KRT33A: variants seen among roughly 807,000 people sequenced by gnomAD.
KRT33A encodes keratin, type I cuticular Ha3-I.
Under a neutral mutation model 41.1 loss-of-function variants are expected in KRT33A, and 44 were observed. That is an observed-to-expected ratio of 1.07 (90% CI 0.84 to 1.38). KRT33A has a LOEUF of 1.38. Ranked by LOEUF, KRT33A falls within the 40% of genes most tolerant of loss-of-function variation. KRT33A has a pLI of 0.00. For missense variants in KRT33A, 536 were observed against 518.5 expected, an observed-to-expected ratio of 1.03 and a Z score of -0.33; for synonymous variants, 229 against 227.8, an observed-to-expected ratio of 1.01 and a Z score of -0.05.
Position 41,348,565 on chromosome 17 carries a change from A to G in KRT33A, c.506T>C (p.Leu169Pro), listed in dbSNP as rs780160734. ...CTCCAGGTCAGACCTGCACAGGGTCAGCTCATCCAGGATCCTGCGCAGGCC... is the reference window on the plus strand; with the variant it reads ...CTCCAGGTCAGACCTGCACAGGGTCGGCTCATCCAGGATCCTGCGCAGGCC... The part of the protein sequence containing the change: ...INGLRRILDE[L>P]TLCRSDLEAQ... Residue 169 changes from leucine to proline, a missense_variant, in exon 3 of 7, where the codon CTG (leucine) becomes CCG (proline). Coordinates refer to ENST00000007735, the MANE Select transcript of KRT33A (RefSeq NM_004138.4). The G allele has an allele frequency of 4.3e-6, 7 of 1,613,928 alleles. No individual in the cohort carries two copies. The South Asian group carries it at 7.7e-5, about 18-fold the overall frequency.
chr17:41,346,400 C>T (rs996944232), intron 6 of KRT33A, 48 bp downstream of exon 6: 2 of 1,609,260 alleles, frequency 1.2e-6, no homozygotes, highest in Admixed American at 1.7e-5. Context: ...TTCATCTCCA[C>T]AGCAACCTAA....
At position 41,348,515 on chromosome 17, in the gene KRT33A, C is replaced by G. The variant is rs1396270344; in HGVS notation, c.556G>C (p.Glu186Gln). 6.2e-7 allele frequency: 1 copy of G among 1,614,068 alleles called. No individual in the cohort carries two copies. Among genetic ancestry groups the G allele is most frequent in the Admixed American group, 1.7e-5 (1 of 60,006 alleles). ...TGGTTCTGCTTGAGGCACAGCAGCT[C>G]CTCCTTCAGGGACTCCACCTGGGCC... Reference protein sequence around the residue: ...LEAQVESLKEELLCLKQNHEQ... With the variant: ...LEAQVESLKEQLLCLKQNHEQ... The change falls in exon 3 of 7, where the codon GAG becomes CAG. Residue 186 changes from glutamate to glutamine, a missense_variant. Coordinates refer to ENST00000007735, the MANE Select transcript of KRT33A (RefSeq NM_004138.4).
rs558825640 is a variant in KRT33A at position 41,346,166 on chromosome 17, A to C, written c.1168T>G (p.Cys390Gly). The C allele has an allele frequency of 4.3e-6, 7 of 1,614,182 alleles. No individual in the cohort carries two copies. In the South Asian group the frequency reaches 6.6e-5, roughly 15 times the overall value. ...GGCCCACACCGAGCACGTAGGCCAC[A>C]GGGATTAGAGATACAGGGCCCAGTG... Reference protein sequence around the residue: ...KSTGPCISNPCGLRARCGPCN... With the variant: ...KSTGPCISNPGGLRARCGPCN... The change falls in exon 7 of 7, where the codon TGT becomes GGT. Residue 390 changes from cysteine (C) to glycine (G), a missense_variant. Coordinates refer to ENST00000007735, the MANE Select transcript of KRT33A (RefSeq NM_004138.4).
At position 41,350,437 on chromosome 17, in the gene KRT33A, C is replaced by A; in HGVS notation, c.331G>T (p.Glu111Ter). The A allele has an allele frequency of 6.2e-7, 1 of 1,614,042 alleles. No individual in the cohort carries two copies. Among genetic ancestry groups the A allele is most frequent in the Non-Finnish European group, 8.5e-7 (1 of 1,179,994 alleles). The part of the protein sequence containing the change: ...ASYQSYFKTI[E>*]ELQQKILCSK... The stretch of plus-strand genomic sequence containing the variant: ...CTCCTCACCTTCTGCTGGAGCTCCT[C>A]AATGGTCTTGAAGTAGGACTGGTAG... The change falls in exon 1 of 7, where the codon GAG becomes TAG. Residue 111 changes from glutamate (E) to a stop codon, truncating the protein, a stop_gained. Coordinates refer to ENST00000007735, the MANE Select transcript of KRT33A (RefSeq NM_004138.4). LOFTEE classifies it high-confidence loss of function.
At chr17:41,346,704 C>T in intron 5 of KRT33A, 36 bp from the exon 6 acceptor site, 1 of 1,613,366 alleles carries the variant, frequency 6.2e-7, no homozygotes. Flanking sequence ...CAGAGAGCTG[C>T]TCCTTATAAG....
At position 41,346,967 on chromosome 17, in the gene KRT33A, G is replaced by A. The variant is rs546547704; in HGVS notation, c.753C>T (p.Thr251=). Residue 251 remains threonine, a splice_region_variant and synonymous_variant, in exon 5 of 7, where the codon ACC becomes ACT. Coordinates refer to ENST00000007735, the MANE Select transcript of KRT33A (RefSeq NM_004138.4). ...ATACCACCTGCTTGTTCAGCTCCTC[G>A]GTCTGAAACACCCAAGGGGAGAAAG... ...REVEQWFATQ[T]EELNKQVVSS... is the part of the protein sequence containing the mutation. 1.2e-5 allele frequency: 20 copies of A among 1,613,740 alleles called. No homozygotes were observed. The highest frequency in any genetic ancestry group is 6.7e-5 in the Admixed American group (4 of 60,018).
At position 41,346,686 on chromosome 17, in the gene KRT33A, G is replaced by GA; in HGVS notation, c.877-19dup. On this transcript the variant is annotated intron_variant, in intron 5 of 6. Transcript: ENST00000007735. ...GAGTCTCGCTGTGGTGGGGAAGATT[G>GA]AGAGTGTCAGAGAGCTGCTCCTTAT... 6.2e-7 allele frequency: 1 copy of GA among 1,613,944 alleles called. No individual in the cohort carries two copies. The highest frequency in any genetic ancestry group is 8.5e-7 in the Non-Finnish European group (1 of 1,179,852).
chr17:41,349,320 C>T, intron 2 of KRT33A, 26 bp downstream of exon 2: 1 of 1,611,128 alleles, frequency 6.2e-7, no homozygotes. Flanking sequence ...GAGAAATAAA[C>T]AGCAACACCC....
At chr17:41,348,826 G>A (rs1448871973) in intron 2 of KRT33A, among the ~76,000 whole-genome samples, 187 bp from the exon 3 acceptor site, 1 of 152,118 alleles carries the variant, frequency 6.6e-6, no homozygotes, top group Non-Finnish European at 1.5e-5. Context: ...AAGATCCAGT[G>A]GATAGACTTC....
Position 41,347,226 on chromosome 17 carries a change from A to G in KRT33A, c.589-4T>C, listed in dbSNP as rs370493829. On this transcript the variant is annotated splice_polypyrimidine_tract_variant and splice_region_variant and intron_variant, in intron 3 of 6. Coordinates refer to ENST00000007735, the MANE Select transcript of KRT33A (RefSeq NM_004138.4). ...GGCAGCGCAGGGTGTTAACCTCCTG[A>G]TGGAGAAAGGGCAAAATTTTAAATT... The G allele has an allele frequency of 6.3e-7, 1 of 1,590,134 alleles. No homozygotes were observed.
chr17:41,349,307 G>A, intron 2 of KRT33A, 39 bp downstream of exon 2: 2 of 1,595,234 alleles, frequency 1.3e-6, no homozygotes, highest in East Asian at 2.2e-5. Context: ...GGCTGCCAGA[G>A]AAGAGAAATA....
chr17:41,347,169 G>C lies in KRT33A; in HGVS notation c.642C>G (p.Asp214Glu). The C allele has an allele frequency of 1.2e-6, 2 of 1,614,162 alleles. No homozygotes were observed. Among genetic ancestry groups the C allele is most frequent in the Non-Finnish European group, 1.7e-6 (2 of 1,180,024 alleles). The change falls in exon 4 of 7, where the codon GAC (aspartate) becomes GAG (glutamate). Residue 214 changes from aspartate (D) to glutamate (E), a missense_variant. Physicochemically the swap from Asp to Glu is conservative, Grantham distance 45. Transcript: ENST00000007735. The part of the protein sequence containing the change: ...QLGDRLNVEV[D>E]AAPTVDLNQV... ...GGTTCAGGTCCACAGTGGGAGCAGC[G>C]TCCACCTCCACGTTGAGGCGGTCTC...
intron 3 of KRT33A, among the ~76,000 whole-genome samples, chr17:41,347,521 C>G (rs939328849): frequency 2.6e-5 from 4 of 152,206 alleles, no homozygotes; most frequent in African/African-American, 9.6e-5. Context: ...AACTCTGGTC[C>G]CCAAATGCCC....
chr17:41,348,493 T>C lies in KRT33A; in HGVS notation c.578A>G (p.Asn193Ser), dbSNP rs1431400044. ...CTTCAGGGAACTCACCTGCTCATGG[T>C]TCTGCTTGAGGCACAGCAGCTCCTC... ...LKEELLCLKQNHEQEVNTLRC... is the reference protein window; with the variant it reads ...LKEELLCLKQSHEQEVNTLRC... The change falls in exon 3 of 7, where the codon AAC becomes AGC. Residue 193 changes from asparagine (N) to serine (S), a missense_variant. Transcript: ENST00000007735. 42 of 1,614,068 alleles carry C rather than the reference T, an allele frequency of 2.6e-5. No homozygotes were observed. The highest frequency in any genetic ancestry group is 3.3e-5 in the Non-Finnish European group (39 of 1,180,020).
intron 2 of KRT33A, 33 bp from the exon 3 acceptor site, chr17:41,348,672 G>T (rs1175199288): frequency 8.1e-6 from 13 of 1,611,820 alleles, no homozygotes; most frequent in Non-Finnish European, 1.0e-5. Context: ...AACAGGCTGG[G>T]CAGGAATAGG....
chr17:41,348,851 T>C (rs112659302), intron 2 of KRT33A, among the ~76,000 whole-genome samples: 108 of 152,256 alleles, frequency 7.1e-4, no homozygotes, highest in African/African-American at 2.5e-3. Flanking sequence ...TTCCTAGCTA[T>C]TCAGGAGGCT....
intron 3 of KRT33A, among the ~76,000 whole-genome samples, chr17:41,348,078 T>C (rs1313597736): frequency 6.6e-6 from 1 of 152,230 alleles, no homozygotes; most frequent in Non-Finnish European, 1.5e-5. Flanking sequence ...GAAAGAGCTC[T>C]GGACAGGAAC....
intron 2 of KRT33A, 43 bp from the exon 3 acceptor site, chr17:41,348,682 G>A (rs574217414): frequency 6.2e-7 from 1 of 1,605,886 alleles, no homozygotes; most frequent in African/African-American, 1.3e-5. Context: ...GCAGGAATAG[G>A]CCTGGCCTTG....
In KRT33A at chr17:41,346,436, C is replaced by G; in HGVS notation, c.1097+12G>C. 1.2e-6 allele frequency: 2 copies of G among 1,613,902 alleles called. No individual in the cohort carries two copies. Among genetic ancestry groups the G allele is most frequent in the South Asian group, 1.1e-5 (1 of 91,076 alleles). On this transcript the variant is annotated intron_variant, in intron 6 of 6. Transcript: ENST00000007735. ...CATGCCCCAAGGAGAAGATTACTAC[C>G]CCCATACTGACTTGCAGTCCTCGCT...
Sources: allele counts gnomAD v4.1 joint callset (sites outside exome capture counted in the v4.1 genomes callset), GRCh38; gene constraint gnomAD v4.1.1; transcripts MANE v1.5; gene names NCBI Gene and HGNC (gene_info 2026-07-23, HGNC 2026-07-21).